IQANK1: variants seen among roughly 807,000 people sequenced by gnomAD.
IQANK1 encodes the protein IQ motif and ankyrin repeat domain-containing protein 1.
In IQANK1, 30 loss-of-function variants were observed where a neutral mutation model predicts 22.6. The ratio of observed to expected loss-of-function variants is 1.33; its 90% CI spans 0.99 to 1.80. IQANK1 has a LOEUF of 1.80. Among genes scored for constraint, IQANK1 ranks in the 40% most tolerant of loss-of-function variants. The probability of loss-of-function intolerance (pLI) is 0.00; values close to 1 mark genes in which losing one functional copy is unlikely to be tolerated. For missense variants in IQANK1, 275 were observed against 235.2 expected (o/e 1.17, Z -1.11); for synonymous variants, 122 against 99.6 (o/e 1.23, Z -1.34).
intron 3 of IQANK1, among the ~76,000 whole-genome samples, chr8:143,746,943 T>A (rs1049477864): frequency 6.6e-6 from 1 of 151,954 alleles, no homozygotes; most frequent in African/African-American, 2.4e-5. Flanking sequence ...GCAGTGGCAC[T>A]ATCTCAGCTC....
intron 3 of IQANK1, among the ~76,000 whole-genome samples, chr8:143,769,601 G>A (rs966065091): frequency 9.2e-5 from 14 of 152,162 alleles, no homozygotes; most frequent in African/African-American, 3.1e-4. Context: ...CATACCCAGT[G>A]CTCTAAATGC....
intron 3 of IQANK1, chr8:143,742,072 C>G: frequency 3.4e-6 from 1 of 297,138 alleles, no homozygotes; most frequent in South Asian, 3.2e-5. Flanking sequence ...GCGGCCGACT[C>G]TCTCTAGGAG....
At position 143,735,624 on chromosome 8, in the gene IQANK1, C is replaced by T. The variant is rs782360502; in HGVS notation, c.-4-226C>T. Among the ~76,000 whole-genome samples the T allele has an allele frequency of 1.1e-4, 16 of 152,078 alleles. No homozygotes were observed. Among genetic ancestry groups the T allele is most frequent in the Admixed American group, 1.3e-4 (2 of 15,282 alleles). ...GGCAGGCAAGCCACGGCCAGGGGGA[C>T]GGGAGGTGGCCAAGTGCTCTTGCCA... On this transcript the variant is annotated intron_variant, in intron 1 of 13. Coordinates refer to ENST00000527139, the MANE Select transcript of IQANK1 (RefSeq NM_001381874.1). This position sits in a 1 kb window ranked among gnomAD's most constrained non-coding sequence, Gnocchi z 5.2.
chr8:143,776,327 CAAAAAAAAA>C (rs57571355), intron 7 of IQANK1, among the ~76,000 whole-genome samples: 5 of 105,882 alleles, frequency 4.7e-5, no homozygotes, highest in African/African-American at 3.8e-5. Flanking sequence ...GACTCCGTCT[CAAAAAAAAA>C]AAAAAAAAAG....
rs1196764967 is a variant in IQANK1, at chr8:143,743,158, G to T, written c.175+3210G>T. The T allele has an allele frequency of 1.7e-5, 7 of 407,472 alleles. No homozygotes were observed. The East Asian group carries it at 4.4e-4, about 25-fold the overall frequency. The allele number at this position is 407,472 out of a possible 1,614,324, so 25.2% of individuals were successfully genotyped here. A position where few individuals can be genotyped will look rare whatever the true frequency, so the allele number is the denominator to read the frequency against. ...TCGAGGAAAGCCAGCCGTGCTGTGG[G>T]TTTCCTTCCCTCTGGCTCTCCACTT... On this transcript the variant is annotated intron_variant, in intron 3 of 13. Coordinates refer to ENST00000527139, the MANE Select transcript of IQANK1 (RefSeq NM_001381874.1).
In IQANK1 at chr8:143,790,641, C is replaced by T. The variant is rs145057333; in HGVS notation, c.*33C>T. The T allele has an allele frequency of 4.3e-3, 1,722 of 398,538 alleles. 20 individuals carry two copies. The highest frequency in any genetic ancestry group is 0.012 in the East Asian group (336 of 28,074). 24.7% of individuals were successfully genotyped at this position (398,538 alleles called of 1,614,324 possible). A position where few individuals can be genotyped will look rare whatever the true frequency, so the allele number is the denominator to read the frequency against. On this transcript the variant is annotated 3_prime_UTR_variant, in exon 14 of 14. Transcript: ENST00000527139. ...CCCAGTCCCAATAAAACGTGTGCCC[C>T]GGGGCGCGGTGCTGCATCTGTGCTG... is the stretch of plus-strand genomic sequence containing the variant.
intron 3 of IQANK1, among the ~76,000 whole-genome samples, chr8:143,754,263 G>T (rs2129849971): frequency 6.6e-6 from 1 of 152,286 alleles, no homozygotes; most frequent in African/African-American, 2.4e-5. Context: ...AGCCATTGCT[G>T]CTTAACAAGT....
rs117243553 is a variant in IQANK1 at position 143,739,325 on chromosome 8, G to A, written c.86-534G>A. 99 of 152,592 alleles carry A rather than the reference G, an allele frequency of 6.5e-4. 1 individual carries two copies. In the East Asian group the frequency reaches 0.018, roughly 28 times the overall value. 9.5% of individuals were successfully genotyped at this position (152,592 alleles called of 1,614,324 possible). ...CCACGCCCAGGGCCCCATCCCAGCCGGCTCAGCCACACTGGCCGGACTGGT... is the reference window on the plus strand; with the variant it reads ...CCACGCCCAGGGCCCCATCCCAGCCAGCTCAGCCACACTGGCCGGACTGGT... On this transcript the variant is annotated intron_variant, in intron 2 of 13. Coordinates refer to ENST00000527139, the MANE Select transcript of IQANK1 (RefSeq NM_001381874.1).
At chr8:143,742,298 GC>G (rs1330545450) in intron 3 of IQANK1, 1 of 441,440 alleles carries the variant, frequency 2.3e-6, no homozygotes, top group Admixed American at 2.4e-5. Context: ...GTGATGAGGT[GC>G]CCCCCGGGGG....
intron 3 of IQANK1, chr8:143,742,692 G>T (rs1554626739): frequency 2.2e-6 from 1 of 455,944 alleles, no homozygotes; most frequent in Non-Finnish European, 4.4e-6. Context: ...GAAACCTGCG[G>T]GAAGCTCCAA....
intron 2 of IQANK1, among the ~76,000 whole-genome samples, chr8:143,737,152 G>C (rs1257208682): frequency 6.6e-6 from 1 of 152,238 alleles, no homozygotes; most frequent in East Asian, 1.9e-4. Context: ...GGGCACAGGT[G>C]CCGCATGCTG....
At chr8:143,759,008 C>T (rs1212548920) in intron 3 of IQANK1, 4 of 196,230 alleles carry the variant, frequency 2.0e-5, no homozygotes, top group Non-Finnish European at 1.1e-5. Flanking sequence ...GGGCTTTCTC[C>T]ATAGCAATTC....
chr8:143,785,216 A>G (rs1190028088), intron 7 of IQANK1, among the ~76,000 whole-genome samples: 1 of 135,686 alleles, frequency 7.4e-6, no homozygotes, highest in African/African-American at 2.8e-5. Context: ...ATTTTTGTTT[A>G]TATTGCCTTG....
intron 3 of IQANK1, among the ~76,000 whole-genome samples, chr8:143,741,552 G>C (rs773362113): frequency 3.9e-5 from 6 of 152,194 alleles, no homozygotes; most frequent in Non-Finnish European, 7.3e-5. Flanking sequence ...ATGTGCCTGG[G>C]AGTCTATTTC....
intron 3 of IQANK1, chr8:143,743,155 T>TGGG: frequency 4.9e-6 from 2 of 411,590 alleles, no homozygotes; most frequent in South Asian, 3.4e-5. Context: ...AGCCGTGCTG[T>TGGG]GGGTTTCCTT....
chr8:143,775,360 A>G (rs1433927612), intron 7 of IQANK1, among the ~76,000 whole-genome samples: 1 of 151,786 alleles, frequency 6.6e-6, no homozygotes, highest in African/African-American at 2.4e-5. Context: ...ACACAGACAC[A>G]CACACACACA....
chr8:143,773,321 AAAAAC>A (rs1373710355), intron 7 of IQANK1, among the ~76,000 whole-genome samples: 108 of 127,340 alleles, frequency 8.5e-4, no homozygotes, highest in African/African-American at 3.5e-3. Flanking sequence ...AAAAAACAAA[AAAAAC>A]ACAAAAAAAA....
At position 143,789,046 on chromosome 8, in the gene IQANK1, G is replaced by A; in HGVS notation, c.921G>A (p.Glu307=). ...AGGCCCAGAGGCACAAGGAGGCCGAGGCTGAGCGGTGTGGAAGGCAGGAGG... is the reference window on the plus strand; with the variant it reads ...AGGCCCAGAGGCACAAGGAGGCCGAAGCTGAGCGGTGTGGAAGGCAGGAGG... The part of the protein sequence containing the change: ...AQEAQRHKEA[E]AERCGSMTLK... Residue 307 remains glutamate, a synonymous_variant, in exon 8 of 14, where the codon GAG becomes GAA. Coordinates refer to ENST00000527139, the MANE Select transcript of IQANK1 (RefSeq NM_001381874.1). The A allele has an allele frequency of 2.5e-6, 1 of 400,862 alleles. No homozygotes were observed. The highest frequency in any genetic ancestry group is 4.4e-6 in the Non-Finnish European group (1 of 227,276). The allele number at this position is 400,862 out of a possible 1,614,324, so 24.8% of individuals were successfully genotyped here.
intron 3 of IQANK1, among the ~76,000 whole-genome samples, chr8:143,753,489 G>A (rs377004700): frequency 1.7e-3 from 236 of 141,302 alleles, no homozygotes; most frequent in Middle Eastern, 4.1e-3. Context: ...ACGGAGTCTC[G>A]CTGTCTCAGG....
Sources: gnomAD v4.1 joint callset for allele counts (sites outside exome capture counted in the v4.1 genomes callset) on GRCh38, gnomAD v4.1.1 for gene constraint, Gnocchi (gnomAD v3.1) non-coding constraint, MANE v1.5 for transcripts, NCBI Gene and HGNC (gene_info 2026-07-23, HGNC 2026-07-21) for gene names.